Variants in CTIF observed in about 807,000 individuals in gnomAD.
CTIF encodes the protein cap binding complex dependent translation initiation factor.
In CTIF, 21 loss-of-function variants were observed where a neutral mutation model predicts 66.0. The observed-to-expected ratio is 0.32, with a 90% CI of 0.23 to 0.46. The LOEUF (loss-of-function observed/expected upper bound fraction) is 0.46, where lower values mean the gene tolerates loss of function less well. Among genes scored for constraint, CTIF ranks in the 20% least tolerant of loss-of-function variants. The probability of loss-of-function intolerance (pLI) is 1.00; values close to 1 mark genes in which losing one functional copy is unlikely to be tolerated. For synonymous variants in CTIF, 345 were observed against 326.4 expected, an observed-to-expected ratio of 1.06 and a Z score of -0.62; for missense variants, 739 against 812.7, an observed-to-expected ratio of 0.91 and a Z score of 1.10.
chr18:48,612,880 C>A (rs1034373190), intron 1 of CTIF, among the ~76,000 whole-genome samples: 1 of 152,170 alleles, frequency 6.6e-6, no homozygotes, highest in East Asian at 1.9e-4. Context: ...AGCCAGGAAG[C>A]AGAAATTGGG....
chr18:48,750,483 G>A (rs780834200), intron 7 of CTIF, among the ~76,000 whole-genome samples: 1 of 152,222 alleles, frequency 6.6e-6, no homozygotes, highest in Non-Finnish European at 1.5e-5. Flanking sequence ...CCTTCCCCAC[G>A]AGGCAGCAAT....
chr18:48,664,032 C>T (rs902491588), intron 4 of CTIF, among the ~76,000 whole-genome samples: 5 of 152,148 alleles, frequency 3.3e-5, no homozygotes, highest in East Asian at 1.9e-4. Flanking sequence ...GGAGGGCCCC[C>T]GGGATGGGGC....
intron 1 of CTIF, among the ~76,000 whole-genome samples, chr18:48,602,693 T>G (rs538330350): frequency 1.3e-5 from 2 of 152,242 alleles, no homozygotes; most frequent in Non-Finnish European, 2.9e-5. Context: ...TGACCCTTGA[T>G]GTCATAACTG....
intron 3 of CTIF, among the ~76,000 whole-genome samples, chr18:48,642,780 C>T (rs1046261014): frequency 1.3e-5 from 2 of 152,200 alleles, no homozygotes; most frequent in African/African-American, 4.8e-5. Context: ...CAATCCAAAT[C>T]TTAGTAACAT....
intron 10 of CTIF, among the ~76,000 whole-genome samples, chr18:48,821,926 C>T (rs1411887103): frequency 1.3e-5 from 2 of 152,030 alleles, no homozygotes; most frequent in South Asian, 2.1e-4. Context: ...TGCAGATCTC[C>T]AGAACATATG....
chr18:48,753,314 C>G (rs774265067), intron 7 of CTIF, among the ~76,000 whole-genome samples: 48 of 152,160 alleles, frequency 3.2e-4, no homozygotes, highest in African/African-American at 1.0e-3. Flanking sequence ...AAGTCAGTGG[C>G]ACTCAGAATA....
chr18:48,704,441 A>G lies in CTIF; in HGVS notation c.508-7178A>G, dbSNP rs111518953. On this transcript the variant is annotated intron_variant, in intron 6 of 11. Transcript: ENST00000256413. ...AAAAATATCCCTCCCAGCCTGGGTGATTTTGCCCACCACTCCACCTGGGTT... is the reference window on the plus strand; with the variant it reads ...AAAAATATCCCTCCCAGCCTGGGTGGTTTTGCCCACCACTCCACCTGGGTT... Among the ~76,000 whole-genome samples the G allele has an allele frequency of 4.5e-3, 689 of 152,280 alleles. 10 individuals carry two copies. Among genetic ancestry groups the G allele is most frequent in the African/African-American group, 0.016 (668 of 41,550 alleles).
At chr18:48,578,255 T>C (rs535079058) in intron 1 of CTIF, among the ~76,000 whole-genome samples, 5 of 152,348 alleles carry the variant, frequency 3.3e-5, no homozygotes, top group African/African-American at 1.2e-4. Context: ...GTTTCCATAT[T>C]TTGGCTATTA....
intron 1 of CTIF, among the ~76,000 whole-genome samples, chr18:48,552,183 C>T (rs1163014754): frequency 1.3e-5 from 2 of 152,338 alleles, no homozygotes; most frequent in African/African-American, 2.4e-5. Flanking sequence ...CTTCATTAGC[C>T]ATTACAGCTT....
At chr18:48,770,891 G>A (rs2145960977) in intron 9 of CTIF, among the ~76,000 whole-genome samples, 1 of 152,258 alleles carries the variant, frequency 6.6e-6, no homozygotes, top group South Asian at 2.1e-4. Flanking sequence ...CATCAGTGTG[G>A]GTGCCCTGCC....
chr18:48,764,843 G>A (rs996905700), intron 9 of CTIF, among the ~76,000 whole-genome samples: 6 of 152,360 alleles, frequency 3.9e-5, no homozygotes, highest in Non-Finnish European at 7.3e-5. Flanking sequence ...CTTGATCTGC[G>A]TTCTCAGACC....
At chr18:48,766,796 A>G (rs1373559499) in intron 9 of CTIF, among the ~76,000 whole-genome samples, 1 of 92,200 alleles carries the variant, frequency 1.1e-5, no homozygotes, top group East Asian at 8.1e-4. Context: ...AGCTGCTGAG[A>G]ACATGCCTTC....
chr18:48,601,897 G>A (rs1292845424), intron 1 of CTIF, among the ~76,000 whole-genome samples: 1 of 152,188 alleles, frequency 6.6e-6, no homozygotes, highest in Admixed American at 6.5e-5. Context: ...TGGGATTTGG[G>A]GTGTGTCATA....
At chr18:48,791,362 T>C (rs1408998402) in intron 9 of CTIF, among the ~76,000 whole-genome samples, 1 of 152,212 alleles carries the variant, frequency 6.6e-6, no homozygotes, top group Non-Finnish European at 1.5e-5. Flanking sequence ...TTTCACTTCA[T>C]TTTCTTTTTT....
At chr18:48,580,017 A>G (rs184929443) in intron 1 of CTIF, among the ~76,000 whole-genome samples, 85 of 152,356 alleles carry the variant, frequency 5.6e-4, no homozygotes, top group African/African-American at 2.0e-3. Flanking sequence ...CCATCCATCC[A>G]TCCGTCCGTT....
chr18:48,565,436 TG>T (rs1368698471), intron 1 of CTIF: 3 of 152,144 alleles, frequency 2.0e-5, no homozygotes, highest in Non-Finnish European at 4.4e-5. Context: ...TTGGGGCATG[TG>T]GGAAGGAAGG....
intron 3 of CTIF, among the ~76,000 whole-genome samples, chr18:48,646,173 C>T (rs299731): frequency 6.6e-6 from 1 of 152,032 alleles, no homozygotes. Flanking sequence ...ATCTGACAAA[C>T]GGCTCGTATT....
chr18:48,742,241 C>A (rs2092560992), intron 7 of CTIF, among the ~76,000 whole-genome samples: 2 of 152,118 alleles, frequency 1.3e-5, no homozygotes, highest in African/African-American at 4.8e-5. Flanking sequence ...TGTGTTGAGG[C>A]AAAGATGAGT....
intron 3 of CTIF, 66 bp downstream of exon 3, chr18:48,636,751 C>G (rs185244177): frequency 7.7e-7 from 1 of 1,301,656 alleles, no homozygotes; most frequent in African/African-American, 1.5e-5. Context: ...GTTCCTGGGC[C>G]GGCCCACAGT....
Sources: gnomAD v4.1 joint callset for allele counts (sites outside exome capture counted in the v4.1 genomes callset) on GRCh38, gnomAD v4.1.1 for gene constraint, MANE v1.5 for transcripts, NCBI Gene and HGNC (gene_info 2026-07-23, HGNC 2026-07-21) for gene names.